Variants in LRRCC1 observed in about 807,000 individuals in gnomAD.
The protein encoded by LRRCC1 is leucine rich repeat and coiled-coil centrosomal protein 1, also known as leucine-rich repeat and coiled-coil domain-containing protein 1.
In LRRCC1, 115 loss-of-function variants were observed where a neutral mutation model predicts 126.0. The ratio of observed to expected loss-of-function variants is 0.91; its 90% confidence interval spans 0.78 to 1.07. The LOEUF is 1.07. Among genes scored for constraint, LRRCC1 ranks in the 50% least tolerant of loss-of-function variants. The pLI is 0.00. For synonymous variants in LRRCC1, 400 were observed against 393.4 expected (o/e 1.02, Z -0.20); for missense variants, 1,172 against 1,175.7 (o/e 1.00, Z 0.05).
intron 18 of LRRCC1, among the ~76,000 whole-genome samples, chr8:85,142,308 A>G (rs866999415): frequency 1.3e-5 from 2 of 152,034 alleles, no homozygotes; most frequent in South Asian, 2.1e-4. Context: ...AAAAAACACC[A>G]TATTCATGAA....
chr8:85,129,986 C>T lies in LRRCC1; in HGVS notation c.1694C>T (p.Thr565Ile). 6 of 1,603,570 alleles carry T rather than the reference C, an allele frequency of 3.7e-6. No individual in the cohort carries two copies. In the South Asian group the frequency reaches 5.6e-5, roughly 15 times the overall value. ...AADREIYLLR[T>I]SLHREREQAQ... ...GATAGAGAAATATACTTACTTAGAA[C>T]TTCCCTTCATCGAGAAAGAGAACAA... Residue 565 changes from threonine to isoleucine, a missense_variant, in exon 11 of 19, where the codon ACT becomes ATT. Coordinates refer to ENST00000360375, the MANE Select transcript of LRRCC1 (RefSeq NM_033402.5).
rs74339310 is a variant in LRRCC1 at position 85,138,348 on chromosome 8, C to T, written c.2713C>T (p.Arg905Trp). 2.3e-4 allele frequency: 371 copies of T among 1,602,910 alleles called. 1 individual carries two copies. In the African/African-American group the frequency reaches 4.7e-3, roughly 20 times the overall value. The change falls in exon 17 of 19, where the codon CGG (arginine) becomes TGG (tryptophan). Residue 905 changes from arginine to tryptophan, a missense_variant. Arg to Trp is a moderately radical substitution (Grantham distance 101, BLOSUM62 -3). Coordinates refer to ENST00000360375, the MANE Select transcript of LRRCC1 (RefSeq NM_033402.5). Reference protein sequence around the residue: ...EIRKAYSTLNRKWHDKGELLC... With the variant: ...EIRKAYSTLNWKWHDKGELLC... ...TACTTCTCATATTAGTACACTGAATCGGAAGTGGCATGATAAAGGAGAACT... is the reference window on the plus strand; with the variant it reads ...TACTTCTCATATTAGTACACTGAATTGGAAGTGGCATGATAAAGGAGAACT...
In LRRCC1 at chr8:85,126,839, T is replaced by C. The variant is rs770638420; in HGVS notation, c.1421+2T>C. 1 of 1,601,622 alleles carries C rather than the reference T, an allele frequency of 6.2e-7. No individual in the cohort carries two copies. Among genetic ancestry groups the C allele is most frequent in the Non-Finnish European group, 8.5e-7 (1 of 1,175,676 alleles). ...TCTGGCTCTACTTACCACAGATAGG[T>C]AAAAAGAAATTAATAAACCTGAAGA... On this transcript the variant is annotated splice_donor_variant, in intron 9 of 18. Transcript: ENST00000360375. LOFTEE classifies it high-confidence loss of function.
In LRRCC1 at chr8:85,138,340, C is replaced by T; in HGVS notation, c.2705C>T (p.Thr902Ile). 1 of 1,601,234 alleles carries T rather than the reference C, an allele frequency of 6.2e-7. No individual in the cohort carries two copies. The highest frequency in any genetic ancestry group is 8.5e-7 in the Non-Finnish European group (1 of 1,175,926). ...TTTCAAATTACTTCTCATATTAGTA[C>T]ACTGAATCGGAAGTGGCATGATAAA... ...ELEEIRKAYS[T>I]LNRKWHDKGE... The change falls in exon 17 of 19, where the codon ACA (threonine) becomes ATA (isoleucine). Residue 902 changes from threonine to isoleucine, a missense_variant and splice_region_variant. By Grantham distance (89) the Thr-to-Ile change is moderately conservative (BLOSUM62 -1). Coordinates refer to ENST00000360375, the MANE Select transcript of LRRCC1 (RefSeq NM_033402.5).
intron 6 of LRRCC1, among the ~76,000 whole-genome samples, chr8:85,121,249 G>A (rs1050323196): frequency 2.0e-5 from 3 of 152,182 alleles, no homozygotes; most frequent in Admixed American, 1.3e-4. Flanking sequence ...ATCCCATCTG[G>A]CCATCACTTC....
intron 15 of LRRCC1, among the ~76,000 whole-genome samples, 153 bp from the exon 16 acceptor site, chr8:85,137,882 C>A (rs192675023): frequency 6.6e-6 from 1 of 152,056 alleles, no homozygotes; most frequent in East Asian, 1.9e-4. Context: ...ACTGGAAATA[C>A]CCAATGTCAA....
chr8:85,107,430 C>T (rs376358358), intron 1 of LRRCC1, 31 bp downstream of exon 1: 9 of 1,572,272 alleles, frequency 5.7e-6, no homozygotes, highest in South Asian at 4.5e-5. Flanking sequence ...AGGAGCGACC[C>T]GCGCACTCCC....
At chr8:85,110,830 G>A (rs1808653776) in intron 3 of LRRCC1, among the ~76,000 whole-genome samples, 1 of 152,112 alleles carries the variant, frequency 6.6e-6, no homozygotes, top group Non-Finnish European at 1.5e-5. Context: ...GTTGAACAAA[G>A]TTTCATGACT....
chr8:85,139,750 G>C (rs75998856), intron 17 of LRRCC1, among the ~76,000 whole-genome samples: 1 of 152,158 alleles, frequency 6.6e-6, no homozygotes, highest in African/African-American at 2.4e-5. Context: ...ATTAATTCTC[G>C]TGTGAAGATA....
At position 85,113,039 on chromosome 8, in the gene LRRCC1, T is replaced by C; in HGVS notation, c.484T>C (p.Phe162Leu). The C allele has an allele frequency of 2.5e-6, 4 of 1,612,638 alleles. No homozygotes were observed. Among genetic ancestry groups the C allele is most frequent in the Non-Finnish European group, 3.4e-6 (4 of 1,178,996 alleles). ...ACTTCAGTGTATGGTAGGATTGCAC[T>C]TCCTGACCAATCTTATTTTGGAGAA... Reference protein sequence around the residue: ...HLLQCMVGLHFLTNLILEKDG... With the variant: ...HLLQCMVGLHLLTNLILEKDG... Residue 162 changes from phenylalanine to leucine, a missense_variant, in exon 4 of 19, where the codon TTC becomes CTC. Transcript: ENST00000360375.
intron 18 of LRRCC1, among the ~76,000 whole-genome samples, chr8:85,144,475 T>TATATATATATA (rs1491404128): frequency 3.8e-5 from 1 of 26,626 alleles, no homozygotes; most frequent in Non-Finnish European, 7.9e-5. Flanking sequence ...TATATATATA[T>TATATATATATA]TTTTTTTTTT....
At chr8:85,112,815 G>T in intron 3 of LRRCC1, 117 bp from the exon 4 acceptor site, 1 of 599,386 alleles carries the variant, frequency 1.7e-6, no homozygotes, top group Admixed American at 3.7e-5. Flanking sequence ...GCTGTTCACA[G>T]CAAGATCTAA....
At position 85,129,995 on chromosome 8, in the gene LRRCC1, A is replaced by G. The variant is rs747178162; in HGVS notation, c.1703A>G (p.His568Arg). 5 of 1,603,004 alleles carry G rather than the reference A, an allele frequency of 3.1e-6. No individual in the cohort carries two copies. Among genetic ancestry groups the G allele is most frequent in the Admixed American group, 1.7e-5 (1 of 57,664 alleles). ...REIYLLRTSL[H>R]REREQAQQLH... ...ATATACTTACTTAGAACTTCCCTTC[A>G]TCGAGAAAGAGAACAAGCGCAACAA... is the stretch of plus-strand genomic sequence containing the variant. Residue 568 changes from histidine (H) to arginine (R), a missense_variant, in exon 11 of 19, where the codon CAT (histidine) becomes CGT (arginine). Coordinates refer to ENST00000360375, the MANE Select transcript of LRRCC1 (RefSeq NM_033402.5).
chr8:85,121,890 G>A lies in LRRCC1; in HGVS notation c.931-1523G>A, dbSNP rs564032568. Reference sequence around the variant, plus strand: ...ATCTGTATATAAATCAACTTGTGATGCTCTTTATTTCTTCTTGAGGATTCA... The same window carrying A: ...ATCTGTATATAAATCAACTTGTGATACTCTTTATTTCTTCTTGAGGATTCA... On this transcript the variant is annotated intron_variant, in intron 6 of 18. Coordinates refer to ENST00000360375, the MANE Select transcript of LRRCC1 (RefSeq NM_033402.5). 2.6e-5 allele frequency among the ~76,000 whole-genome samples: 4 copies of A among 152,222 alleles called. No homozygotes were observed. The South Asian group carries it at 8.3e-4, about 32-fold the overall frequency.
At chr8:85,136,092 G>A (rs1427568961) in intron 14 of LRRCC1, 129 bp downstream of exon 14, 1 of 698,154 alleles carries the variant, frequency 1.4e-6, no homozygotes. Context: ...TATCTGGAAG[G>A]ATAAGTAGGC....
intron 12 of LRRCC1, 100 bp from the exon 13 acceptor site, chr8:85,134,747 A>T: frequency 1.4e-6 from 1 of 721,386 alleles, no homozygotes; most frequent in Non-Finnish European, 2.2e-6. Flanking sequence ...GATTATCTTT[A>T]AATCTTATTC....
chr8:85,141,626 A>G, intron 18 of LRRCC1, 109 bp downstream of exon 18: 1 of 783,374 alleles, frequency 1.3e-6, no homozygotes. Context: ...TCTCATGACC[A>G]AATAGATATA....
chr8:85,108,562 GAAAGTA>G (rs1341382846), intron 1 of LRRCC1: 1 of 152,194 alleles, frequency 6.6e-6, no homozygotes, highest in East Asian at 1.9e-4. Flanking sequence ...AAATGTGTCA[GAAAGTA>G]AATGACTGTC....
chr8:85,122,694 G>T (rs1809654083), intron 6 of LRRCC1, among the ~76,000 whole-genome samples: 1 of 152,066 alleles, frequency 6.6e-6, no homozygotes, highest in Admixed American at 6.5e-5. Flanking sequence ...TTATTCAAAC[G>T]TTTGAGTCAT....
Sources: gnomAD v4.1 joint callset for allele counts (sites outside exome capture counted in the v4.1 genomes callset) on GRCh38, gnomAD v4.1.1 for gene constraint, MANE v1.5 for transcripts, NCBI Gene and HGNC (gene_info 2026-07-23, HGNC 2026-07-21) for gene names.